The following ASPRV1 variants were observed in gnomAD, a reference collection of about 807,000 sequenced individuals.
ASPRV1 encodes the protein retroviral-like aspartic protease 1.
A neutral mutation model predicts 11.0 loss-of-function variants in ASPRV1; 7 were observed. The observed-to-expected ratio is 0.64, with a 90% CI of 0.36 to 1.20. The LOEUF is 1.20. Among genes scored for constraint, ASPRV1 ranks in the 50% most tolerant of loss-of-function variants. The pLI is 0.02. For synonymous variants in ASPRV1, 136 were observed against 138.4 expected, an observed-to-expected ratio of 0.98 and a Z score of 0.12; for missense variants, 299 against 320.0, an observed-to-expected ratio of 0.93 and a Z score of 0.50.
At chr2:70,041,345 T>C in the ASPRV1 span, among the ~76,000 whole-genome samples, 1 of 152,220 alleles carries the variant, frequency 6.6e-6, no homozygotes, top group African/African-American at 2.4e-5. Context: ...TGGCTTGCTC[T>C]TTGGTTACTA....
the ASPRV1 span, among the ~76,000 whole-genome samples, chr2:70,036,028 G>A: frequency 6.6e-6 from 1 of 150,490 alleles, no homozygotes; most frequent in Non-Finnish European, 1.5e-5. Context: ...CTGAATATCT[G>A]AGTTTGAATC....
the ASPRV1 span, among the ~76,000 whole-genome samples, chr2:70,057,245 A>G: frequency 6.6e-6 from 1 of 152,034 alleles, no homozygotes; most frequent in Non-Finnish European, 1.5e-5. Context: ...CTATTAAAAA[A>G]AAAGAAAGAA....
chr2:70,072,604 C>G, the ASPRV1 span, among the ~76,000 whole-genome samples: 1 of 151,940 alleles, frequency 6.6e-6, no homozygotes, highest in Non-Finnish European at 1.5e-5. Context: ...TGCCTGTACT[C>G]CCAGCTACTG....
chr2:70,063,594 A>G, the ASPRV1 span, among the ~76,000 whole-genome samples: 1 of 152,176 alleles, frequency 6.6e-6, no homozygotes, highest in Admixed American at 6.6e-5. Flanking sequence ...TTCAAAGATA[A>G]GGGAGTTGAA....
At chr2:69,950,874 A>AATAC in the ASPRV1 span, among the ~76,000 whole-genome samples, 1 of 148,216 alleles carries the variant, frequency 6.7e-6, no homozygotes, top group Non-Finnish European at 1.5e-5. Context: ...TAAATAAATA[A>AATAC]ATAAATAAAT....
chr2:69,970,195 C>A, the ASPRV1 span, among the ~76,000 whole-genome samples: 3 of 152,122 alleles, frequency 2.0e-5, no homozygotes, highest in Admixed American at 6.5e-5. Context: ...TGCCTCCATG[C>A]CTCTTCACAC....
At chr2:69,974,510 A>G in the ASPRV1 span, among the ~76,000 whole-genome samples, 2 of 152,250 alleles carry the variant, frequency 1.3e-5, no homozygotes, top group African/African-American at 4.8e-5. Flanking sequence ...ATCAGCTCAT[A>G]GGAACTGGTA....
the ASPRV1 span, among the ~76,000 whole-genome samples, chr2:69,985,224 C>T: frequency 6.6e-6 from 1 of 152,034 alleles, no homozygotes; most frequent in East Asian, 1.9e-4. Context: ...TCCTTCCTTC[C>T]TTCTCTCCTT....
chr2:69,939,436 G>C, the ASPRV1 span: 3 of 152,532 alleles, frequency 2.0e-5, no homozygotes, highest in African/African-American at 4.8e-5. Flanking sequence ...CCCTTAAGTG[G>C]TCTCCGACTT....
At chr2:70,066,045 T>C in the ASPRV1 span, among the ~76,000 whole-genome samples, 1 of 151,130 alleles carries the variant, frequency 6.6e-6, no homozygotes, top group Non-Finnish European at 1.5e-5. Context: ...CCATCTCTAC[T>C]AAAAATAACA....
the ASPRV1 span, chr2:70,070,919 G>C: frequency 1.3e-5 from 2 of 151,916 alleles, no homozygotes; most frequent in South Asian, 4.1e-4. Flanking sequence ...GTTTGGACCA[G>C]ATGACTTCGA....
At chr2:70,064,442 T>C in the ASPRV1 span, among the ~76,000 whole-genome samples, 384 of 152,298 alleles carry the variant, frequency 2.5e-3, 3 homozygotes, top group African/African-American at 8.9e-3. Flanking sequence ...ATATGATAAT[T>C]AATGGCAATG....
the ASPRV1 span, among the ~76,000 whole-genome samples, chr2:70,064,880 G>A: frequency 6.6e-6 from 1 of 151,648 alleles, no homozygotes; most frequent in Non-Finnish European, 1.5e-5. Context: ...GAACGTTTGA[G>A]GTCAGGAGCT....
the ASPRV1 span, among the ~76,000 whole-genome samples, chr2:70,021,519 T>C: frequency 0.23 from 34,494 of 151,380 alleles, 6,975 homozygotes; most frequent in African/African-American, 0.51. Flanking sequence ...GGGGCTTCAC[T>C]GTGTTAGCCA....
upstream of ASPRV1, among the ~76,000 whole-genome samples, chr2:69,965,920 C>T (rs940273157): frequency 1.3e-5 from 2 of 152,244 alleles, no homozygotes; most frequent in African/African-American, 4.8e-5. Context: ...CCCCAGCTTG[C>T]CACTGTTCCA....
At chr2:69,964,174 C>A, upstream of ASPRV1, 1 of 320,014 alleles carries the variant, frequency 3.1e-6, no homozygotes, top group East Asian at 8.7e-5. Context: ...GTAACCTCCA[C>A]CCCTGCTTAG....
upstream of ASPRV1, chr2:69,962,608 C>T (rs1280575002): frequency 1.3e-5 from 2 of 153,592 alleles, no homozygotes; most frequent in Admixed American, 6.4e-5. Flanking sequence ...GACATCCAGT[C>T]GTCTACAGAG....
the ASPRV1 span, among the ~76,000 whole-genome samples, chr2:69,978,639 T>G: frequency 6.6e-6 from 1 of 152,196 alleles, no homozygotes; most frequent in Non-Finnish European, 1.5e-5. Context: ...ATGACAAGGT[T>G]AAGAAAGCCC....
the ASPRV1 span, among the ~76,000 whole-genome samples, chr2:70,067,458 G>C: frequency 6.6e-6 from 1 of 152,128 alleles, no homozygotes; most frequent in African/African-American, 2.4e-5. Flanking sequence ...AAGAGGTTGA[G>C]ATCACCCAAA....
Sources: gnomAD v4.1 joint callset for allele counts (sites outside exome capture counted in the v4.1 genomes callset) on GRCh38, gnomAD v4.1.1 for gene constraint, MANE v1.5 for transcripts, NCBI Gene and HGNC (gene_info 2026-07-23, HGNC 2026-07-21) for gene names.